The following TRAPPC12 variants were observed in gnomAD, a reference collection of about 807,000 sequenced individuals.
The protein encoded by TRAPPC12 is trafficking protein particle complex subunit 12.
In TRAPPC12, 61 loss-of-function variants were observed where a neutral mutation model predicts 69.2. That is an observed-to-expected ratio of 0.88 (90% CI 0.72 to 1.09). The LOEUF is 1.09. Among genes scored for constraint, TRAPPC12 ranks in the 50% least tolerant of loss-of-function variants. TRAPPC12 has a pLI of 0.00. For missense variants in TRAPPC12, 1,101 were observed against 1,016.4 expected (o/e 1.08, Z -1.13); for synonymous variants, 469 against 438.9 (o/e 1.07, Z -0.86).
At chr2:3,469,106 A>G (rs1665952019) in intron 9 of TRAPPC12, among the ~76,000 whole-genome samples, 1 of 152,242 alleles carries the variant, frequency 6.6e-6, no homozygotes, top group African/African-American at 2.4e-5. Context: ...GTGTTCAGCC[A>G]CGGTTAGATT....
chr2:3,432,220 A>G (rs1276433779), intron 5 of TRAPPC12, among the ~76,000 whole-genome samples: 1 of 152,236 alleles, frequency 6.6e-6, no homozygotes, highest in African/African-American at 2.4e-5. Context: ...AAGAGCTGTA[A>G]TGACGTCACA....
Position 3,379,717 on chromosome 2 carries a change from T to G in TRAPPC12, c.-164T>G, listed in dbSNP as rs1414139994. ...GGGCCTCGGGTTCCTGCATCGGGCC[T>G]GAGCAGAACTAGGCGCGCCGCGGCC... On this transcript the variant is annotated 5_prime_UTR_variant, in exon 1 of 12. Transcript: ENST00000324266. 1 of 152,332 alleles carries G rather than the reference T, an allele frequency of 6.6e-6. No individual in the cohort carries two copies. The allele number at this position is 152,332 out of a possible 1,614,324, so 9.4% of individuals were successfully genotyped here. A position where few individuals can be genotyped will look rare whatever the true frequency, so the allele number is the denominator to read the frequency against.
intron 3 of TRAPPC12, among the ~76,000 whole-genome samples, chr2:3,409,856 T>C (rs1382530837): frequency 6.6e-6 from 1 of 150,946 alleles, no homozygotes; most frequent in Non-Finnish European, 1.5e-5. Context: ...AAATTAGAGA[T>C]GAAGGGGCTC....
chr2:3,459,305 G>A (rs550453608), intron 7 of TRAPPC12, among the ~76,000 whole-genome samples: 1 of 152,360 alleles, frequency 6.6e-6, no homozygotes, highest in East Asian at 1.9e-4. Flanking sequence ...CAGCACAGGC[G>A]CAAGGAGCGC....
chr2:3,465,274 C>G (rs1439139332), intron 8 of TRAPPC12, among the ~76,000 whole-genome samples: 3 of 152,190 alleles, frequency 2.0e-5, no homozygotes, highest in Non-Finnish European at 4.4e-5. Context: ...AGGTGCAGTC[C>G]AAGTGAAATA....
At chr2:3,430,873 G>A (rs1052608779) in intron 5 of TRAPPC12, among the ~76,000 whole-genome samples, 5 of 151,644 alleles carry the variant, frequency 3.3e-5, no homozygotes, top group South Asian at 2.1e-4. Flanking sequence ...GGGACCTTCC[G>A]CTGGGTGTGG....
intron 3 of TRAPPC12, among the ~76,000 whole-genome samples, chr2:3,416,273 T>C (rs1572124709): frequency 6.6e-6 from 1 of 152,266 alleles, no homozygotes; most frequent in East Asian, 1.9e-4. Flanking sequence ...CAGCCCAGCC[T>C]GCCTTAAGGG....
rs150208128 is a variant in TRAPPC12, at chr2:3,389,521, G to A, written c.1047+851G>A. On this transcript the variant is annotated intron_variant, in intron 2 of 11. Transcript: ENST00000324266. ...CCGTGGCGCCCGAAGAGCAACAACC[G>A]CGACCCCGAAGCCCGAGAGGGGATG... Among the ~76,000 whole-genome samples the A allele has an allele frequency of 6.2e-4, 95 of 152,346 alleles. 1 individual carries two copies. The East Asian group carries it at 0.017, about 28-fold the overall frequency.
intron 1 of TRAPPC12, among the ~76,000 whole-genome samples, 186 bp downstream of exon 1, chr2:3,380,062 C>T (rs1264381496): frequency 1.3e-5 from 2 of 151,676 alleles, no homozygotes; most frequent in Non-Finnish European, 2.9e-5. Context: ...GGGCCTTGTG[C>T]CAGGCTCCAC....
chr2:3,457,873 T>C, intron 7 of TRAPPC12, 180 bp downstream of exon 7: 2 of 1,437,092 alleles, frequency 1.4e-6, no homozygotes, highest in Non-Finnish European at 9.1e-7. Context: ...TGGGTGATGC[T>C]GTGGGTGCAA....
chr2:3,420,632 G>A (rs138861066), intron 3 of TRAPPC12, among the ~76,000 whole-genome samples: 11 of 152,254 alleles, frequency 7.2e-5, no homozygotes, highest in East Asian at 1.9e-4. Context: ...CCCCCACACC[G>A]CCGCTGTGGC....
At chr2:3,470,522 CT>C (rs1256841893) in intron 9 of TRAPPC12, among the ~76,000 whole-genome samples, 1 of 152,258 alleles carries the variant, frequency 6.6e-6, no homozygotes, top group African/African-American at 2.4e-5. Flanking sequence ...CAGACCAATC[CT>C]GCCTCCACCA....
chr2:3,380,773 C>T (rs1572505583), intron 1 of TRAPPC12, among the ~76,000 whole-genome samples: 1 of 152,234 alleles, frequency 6.6e-6, no homozygotes, highest in Non-Finnish European at 1.5e-5. Flanking sequence ...TGTTGCCACT[C>T]TGCTTTATCA....
chr2:3,436,935 CT>C (rs1663831656), intron 5 of TRAPPC12, among the ~76,000 whole-genome samples: 1 of 141,376 alleles, frequency 7.1e-6, no homozygotes, highest in Non-Finnish European at 1.5e-5. Context: ...CCCACCACCC[CT>C]GGATTAATCC....
Position 3,421,752 on chromosome 2 carries a change from A to G in TRAPPC12, c.1165-129A>G, listed in dbSNP as rs1273788564. ...CCGTCAGCACACTGACGTTGTCACC[A>G]TTACTAACGGCTGGCTGGCGCTGCT... On this transcript the variant is annotated intron_variant, in intron 3 of 11. Transcript: ENST00000324266. The G allele has an allele frequency of 1.1e-5, 9 of 823,050 alleles. No individual in the cohort carries two copies. In the Middle Eastern group the frequency reaches 6.6e-4, roughly 60 times the overall value. The allele number at this position is 823,050 out of a possible 1,614,324, so 51.0% of individuals were successfully genotyped here. A position where few individuals can be genotyped will look rare whatever the true frequency, so the allele number is the denominator to read the frequency against.
chr2:3,396,923 CAGGAGAA>C (rs1205147370), intron 2 of TRAPPC12, among the ~76,000 whole-genome samples: 1 of 151,890 alleles, frequency 6.6e-6, no homozygotes, highest in African/African-American at 2.4e-5. Context: ...GAGGCTGAGG[CAGGAGAA>C]TCACTGGAGC....
chr2:3,388,328 C>T lies in TRAPPC12; in HGVS notation c.705C>T (p.Val235=). ...TTACTACCTCCGCCTTCATTTCCGT[C>T]AGCAATCCCGGCGCGGGCTCCCCGG... is the stretch of plus-strand genomic sequence containing the variant. ...DSFTTSAFIS[V]SNPGAGSPAP... Residue 235 remains valine (V), a synonymous_variant, in exon 2 of 12, where the codon GTC becomes GTT. Transcript: ENST00000324266. 2 of 1,602,138 alleles carry T rather than the reference C, an allele frequency of 1.2e-6. No homozygotes were observed. Among genetic ancestry groups the T allele is most frequent in the Non-Finnish European group, 1.7e-6 (2 of 1,174,730 alleles).
At chr2:3,416,194 T>G (rs1662384079) in intron 3 of TRAPPC12, among the ~76,000 whole-genome samples, 2 of 152,134 alleles carry the variant, frequency 1.3e-5, no homozygotes, top group South Asian at 2.1e-4. Context: ...AGTAGATGCT[T>G]CTTAAGTGAG....
chr2:3,422,887 C>T (rs145818966), intron 4 of TRAPPC12, among the ~76,000 whole-genome samples: 21 of 152,358 alleles, frequency 1.4e-4, no homozygotes, highest in Admixed American at 3.3e-4. Flanking sequence ...TTTCTTTATT[C>T]ACATTCATTC....
Sources: gnomAD v4.1 joint callset for allele counts (sites outside exome capture counted in the v4.1 genomes callset) on GRCh38, gnomAD v4.1.1 for gene constraint, MANE v1.5 for transcripts, NCBI Gene and HGNC (gene_info 2026-07-23, HGNC 2026-07-21) for gene names.